Variants in EP400 observed in about 807,000 individuals in gnomAD.
EP400 encodes E1A-binding protein p400.
In EP400, 105 loss-of-function variants were observed where a neutral mutation model predicts 354.1. The ratio of observed to expected loss-of-function variants is 0.30; its 90% CI spans 0.25 to 0.35. The LOEUF (loss-of-function observed/expected upper bound fraction) is 0.35. EP400 is among the 10% of genes least tolerant of loss of function. EP400 has a pLI of 1.00. For synonymous variants in EP400, 1,646 were observed against 1,716.9 expected (o/e 0.96, Z 1.02); for missense variants, 3,280 against 4,121.0 (o/e 0.80, Z 5.59).
intron 13 of EP400, among the ~76,000 whole-genome samples, chr12:132,005,705 C>T (rs1333091719): frequency 6.6e-6 from 1 of 152,044 alleles, no homozygotes; most frequent in Non-Finnish European, 1.5e-5. Context: ...GAAGGAGTGG[C>T]GGGTTTGGTC....
Position 131,960,601 on chromosome 12 carries a change from A to T in EP400, c.-19A>T. On this transcript the variant is annotated 5_prime_UTR_variant, in exon 2 of 53. Coordinates refer to ENST00000389561, the MANE Select transcript of EP400 (RefSeq NM_015409.5). ...AATTTTTAGGAGAACGACACATTGG[A>T]TACAGAAGGGAGGTGATCATGCACC... 3 of 1,572,860 alleles carry T rather than the reference A, an allele frequency of 1.9e-6. No individual in the cohort carries two copies. In the South Asian group the frequency reaches 3.5e-5, roughly 18 times the overall value.
At position 132,003,641 on chromosome 12, in the gene EP400, A is replaced by G. The variant is rs116129567; in HGVS notation, c.2828-1436A>G. On this transcript the variant is annotated intron_variant, in intron 12 of 52. Transcript: ENST00000389561. Reference sequence around the variant, plus strand: ...TCCAGTGGTTTGGCTTGTTTTTCCTACTTACATATAGCATCATATGCTGTA... The same window carrying G: ...TCCAGTGGTTTGGCTTGTTTTTCCTGCTTACATATAGCATCATATGCTGTA... 6.4e-3 allele frequency among the ~76,000 whole-genome samples: 977 copies of G among 152,064 alleles called. 8 individuals are homozygous for G. Among genetic ancestry groups the G allele is most frequent in the African/African-American group, 0.022 (931 of 41,458 alleles).
intron 5 of EP400, among the ~76,000 whole-genome samples, chr12:131,983,800 C>T (rs1164535828): frequency 6.6e-6 from 1 of 152,138 alleles, no homozygotes; most frequent in Non-Finnish European, 1.5e-5. Flanking sequence ...CTGTCCCTGC[C>T]CCCTGAGTAG....
intron 23 of EP400, among the ~76,000 whole-genome samples, chr12:132,022,372 C>A (rs1835326784): frequency 6.6e-6 from 1 of 152,188 alleles, no homozygotes; most frequent in African/African-American, 2.4e-5. Context: ...AAATCTCTGT[C>A]TTCTGTTTTC....
At chr12:132,064,954 T>G in intron 48 of EP400, 68 bp downstream of exon 48, 1 of 1,526,344 alleles carries the variant, frequency 6.6e-7, no homozygotes, top group East Asian at 2.5e-5. Context: ...GCTGTTGCGC[T>G]TGCTCAGGTG....
intron 16 of EP400, among the ~76,000 whole-genome samples, chr12:132,012,335 C>G (rs1021476842): frequency 6.6e-6 from 1 of 152,148 alleles, no homozygotes; most frequent in Admixed American, 6.5e-5. Context: ...AGTCCAAGAT[C>G]CAGATGCCAG....
At chr12:132,049,791 C>T (rs1895233807) in intron 39 of EP400, among the ~76,000 whole-genome samples, 1 of 152,208 alleles carries the variant, frequency 6.6e-6, no homozygotes, top group African/African-American at 2.4e-5. Context: ...ACATAGCCCA[C>T]AATTGAGTGG....
rs1386740116 is a variant in EP400, at chr12:132,032,010, C to T, written c.5812C>T (p.His1938Tyr). ...RRIFCAILST[H>Y]SRTTGINLVE... is the part of the protein sequence containing the mutation. ...GATTTTTTGTGCCATTCTCTCCACT[C>T]ACAGCCGTACCACAGGTATAAACCT... The change falls in exon 30 of 53, where the codon CAC becomes TAC. Residue 1938 changes from histidine (H) to tyrosine (Y), a missense_variant. Around this residue, in one of 20 missense-constraint regions of EP400, gnomAD observed 459 missense variants for 496.9 expected, o/e 0.92. Coordinates refer to ENST00000389561, the MANE Select transcript of EP400 (RefSeq NM_015409.5). The T allele has an allele frequency of 6.2e-7, 1 of 1,614,120 alleles. No homozygotes were observed. Among genetic ancestry groups the T allele is most frequent in the South Asian group, 1.1e-5 (1 of 91,072 alleles).
At chr12:132,053,031 A>G (rs6422000) in intron 41 of EP400, 115 bp from the exon 42 acceptor site, 178,495 of 1,102,494 alleles carry the variant, frequency 0.16, 23,784 homozygotes, top group African/African-American at 0.64. Context: ...TTACGCCCTC[A>G]TCTCTTGGGC....
In EP400 at chr12:132,077,639, G is replaced by A; in HGVS notation, c.9338G>A (p.Arg3113Lys). ...TTACAGATGAGGGTCCCTGCTGTCA[G>A]GCTAAAGACACCTACTAAGCCTCCG... Reference protein sequence around the residue: ...PKLQMRVPAVRLKTPTKPPCQ With the variant: ...PKLQMRVPAVKLKTPTKPPCQ The change falls in exon 53 of 53, where the codon AGG becomes AAG. Residue 3113 changes from arginine to lysine, a missense_variant. By Grantham distance (26) the Arg-to-Lys change is conservative. Coordinates refer to ENST00000389561, the MANE Select transcript of EP400 (RefSeq NM_015409.5). 6.2e-7 allele frequency: 1 copy of A among 1,613,350 alleles called. No homozygotes were observed. Among genetic ancestry groups the A allele is most frequent in the Non-Finnish European group, 8.5e-7 (1 of 1,179,708 alleles).
Position 132,079,399 on chromosome 12 carries a change from G to GGGCC in EP400, c.*1728_*1731dup, listed in dbSNP as rs1325038353. 2 of 152,398 alleles carry GGGCC rather than the reference G, an allele frequency of 1.3e-5. No individual in the cohort carries two copies. The highest frequency in any genetic ancestry group is 3.9e-4 in the East Asian group (2 of 5,194). The allele number at this position is 152,398 out of a possible 1,614,324, so 9.4% of individuals were successfully genotyped here. A position where few individuals can be genotyped will look rare whatever the true frequency, so the allele number is the denominator to read the frequency against. On this transcript the variant is annotated 3_prime_UTR_variant, in exon 53 of 53. Transcript: ENST00000389561. ...GTGAGAGCGCAGCTTGCCGGAGGGA[G>GGGCC]GGCCGCTGTGTGCGCCTCACATCTG...
intron 51 of EP400, 75 bp from the exon 52 acceptor site, chr12:132,076,441 G>GA: frequency 6.8e-7 from 1 of 1,461,000 alleles, no homozygotes; most frequent in Non-Finnish European, 9.5e-7. Flanking sequence ...ACTGAGGACA[G>GA]AAAGGGAGGA....
intron 7 of EP400, 93 bp downstream of exon 7, chr12:131,987,983 CTT>C (rs778740521): frequency 0.054 from 14,090 of 261,956 alleles, no homozygotes; most frequent in East Asian, 0.083. Context: ...TCCAGACCCA[CTT>C]TTTTTTTTTT....
rs1171496476 is a variant in EP400 at position 132,044,291 on chromosome 12, C to A, written c.6565C>A (p.Arg2189=). The A allele has an allele frequency of 6.2e-7, 1 of 1,613,912 alleles. No homozygotes were observed. The highest frequency in any genetic ancestry group is 8.5e-7 in the Non-Finnish European group (1 of 1,179,960). The part of the protein sequence containing the change: ...QEEAELLTYT[R]EDAYSMEYVY... ...GGAGGCGGAGCTCCTGACCTACACG[C>A]GAGAGGATGCCTACAGCATGGTACC... Residue 2189 remains arginine (R), a synonymous_variant, in exon 35 of 53, where the codon CGA becomes AGA. Coordinates refer to ENST00000389561, the MANE Select transcript of EP400 (RefSeq NM_015409.5).
In EP400 at chr12:131,963,787, G is replaced by A. The variant is rs61942455; in HGVS notation, c.1335+1833G>A. 5.5e-3 allele frequency: 3,332 copies of A among 610,964 alleles called. 36 individuals are homozygous for A. The highest frequency in any genetic ancestry group is 0.024 in the South Asian group (1,100 of 46,720). The allele number at this position is 610,964 out of a possible 1,614,324, so 37.8% of individuals were successfully genotyped here. On this transcript the variant is annotated intron_variant, in intron 2 of 52. Transcript: ENST00000389561. ...TTTCAACAGTAAAAAATCTTCCTGC[G>A]TATACAATTATAAAATTAAATTGCA...
At chr12:132,037,086 T>C (rs2136566390) in intron 30 of EP400, among the ~76,000 whole-genome samples, 1 of 152,342 alleles carries the variant, frequency 6.6e-6, no homozygotes, top group African/African-American at 2.4e-5. Context: ...GGGAAGGCAA[T>C]AGACTGCATG....
At chr12:132,053,787 A>T (rs1305043436) in intron 43 of EP400, among the ~76,000 whole-genome samples, 190 bp downstream of exon 43, 1 of 152,216 alleles carries the variant, frequency 6.6e-6, no homozygotes, top group Non-Finnish European at 1.5e-5. Context: ...TTTCACCTGG[A>T]TTCTGCCATT....
chr12:131,965,225 C>T (rs968006166), intron 2 of EP400, among the ~76,000 whole-genome samples: 2 of 152,172 alleles, frequency 1.3e-5, no homozygotes, highest in Non-Finnish European at 2.9e-5. Context: ...TGGTTTCTAC[C>T]AGGCCTGTCC....
rs1228952231 is a variant in EP400, at chr12:131,982,289, G to C, written c.1740G>C (p.Gln580His). Residue 580 changes from glutamine to histidine, a missense_variant, in exon 5 of 53, where the codon CAG (glutamine) becomes CAC (histidine). By Grantham distance (24) the Gln-to-His change is conservative (BLOSUM62 0). Transcript: ENST00000389561. ...ALSSALQFAQ[Q>H]PQVVEAQTQL... ...CCTCTGCGCTGCAGTTTGCACAGCA[G>C]CCGCAAGTGGTAGAGGCCCAGACAC... 6.2e-7 allele frequency: 1 copy of C among 1,614,174 alleles called. No individual in the cohort carries two copies. Among genetic ancestry groups the C allele is most frequent in the South Asian group, 1.1e-5 (1 of 91,092 alleles).
Sources: gnomAD v4.1 joint callset for allele counts (sites outside exome capture counted in the v4.1 genomes callset) on GRCh38, gnomAD v4.1.1 for gene constraint, gnomAD v4.1.1 regional missense constraint, MANE v1.5 for transcripts, NCBI Gene and HGNC (gene_info 2026-07-23, HGNC 2026-07-21) for gene names.